The following GALNT10 variants were observed in gnomAD, a reference collection of about 807,000 sequenced individuals.
GALNT10 encodes GalNAc transferase 10.
A neutral mutation model predicts 75.0 loss-of-function variants in GALNT10; 41 were observed. The observed-to-expected ratio is 0.55, with a 90% confidence interval of 0.43 to 0.71. The LOEUF is 0.71. Among genes scored for constraint, GALNT10 ranks in the 30% least tolerant of loss-of-function variants. The pLI is 0.00. For synonymous variants in GALNT10, 302 were observed against 313.0 expected (o/e 0.96, Z 0.37); for missense variants, 727 against 818.5 (o/e 0.89, Z 1.36).
At chr5:154,328,176 A>G (rs1352735636) in intron 3 of GALNT10, among the ~76,000 whole-genome samples, 1 of 152,220 alleles carries the variant, frequency 6.6e-6, no homozygotes, top group Non-Finnish European at 1.5e-5. Context: ...TTGATCCTGT[A>G]TTAAACAAAC....
At chr5:154,213,958 C>A (rs1005679814) in intron 1 of GALNT10, among the ~76,000 whole-genome samples, 2 of 152,164 alleles carry the variant, frequency 1.3e-5, no homozygotes, top group African/African-American at 4.8e-5. Flanking sequence ...GACATAGCAA[C>A]TTCTCCCTTC....
At chr5:154,254,957 T>C (rs1329470772) in intron 1 of GALNT10, among the ~76,000 whole-genome samples, 3 of 152,110 alleles carry the variant, frequency 2.0e-5, no homozygotes, top group African/African-American at 7.2e-5. Context: ...AAGATTCCTG[T>C]AGGAGCTCCT....
intron 2 of GALNT10, among the ~76,000 whole-genome samples, chr5:154,295,637 A>G (rs1031061636): frequency 2.6e-5 from 4 of 152,164 alleles, no homozygotes; most frequent in Admixed American, 2.6e-4. Flanking sequence ...CAGAAATTAT[A>G]TGGAGAATCA....
Position 154,337,493 on chromosome 5 carries a change from A to G in GALNT10, c.568+7755A>G, listed in dbSNP as rs1754962684. On this transcript the variant is annotated intron_variant, in intron 4 of 11. Coordinates refer to ENST00000297107, the MANE Select transcript of GALNT10 (RefSeq NM_198321.4). ...AAAATCTCCTGCCACTGCCATGGCT[A>G]CTGCTGGTACTAGAACTGCCATAGG... 8 of 727,638 alleles carry G rather than the reference A, an allele frequency of 1.1e-5. No homozygotes were observed. In the Admixed American group the frequency reaches 1.2e-4, roughly 11 times the overall value. 45.1% of individuals were successfully genotyped at this position (727,638 alleles called of 1,614,324 possible). A position where few individuals can be genotyped will look rare whatever the true frequency, so the allele number is the denominator to read the frequency against.
chr5:154,327,824 G>T (rs1448792333), intron 3 of GALNT10, among the ~76,000 whole-genome samples: 2 of 152,108 alleles, frequency 1.3e-5, no homozygotes, highest in Non-Finnish European at 2.9e-5. Flanking sequence ...TTTAGGCATC[G>T]ATTATCACAA....
chr5:154,415,675 T>G, intron 10 of GALNT10, 108 bp from the exon 11 acceptor site: 2 of 1,048,418 alleles, frequency 1.9e-6, no homozygotes, highest in Non-Finnish European at 2.8e-6. Context: ...GGTTAATATA[T>G]TATTATTTGG....
At chr5:154,354,207 A>G (rs1755254754) in intron 4 of GALNT10, among the ~76,000 whole-genome samples, 1 of 152,204 alleles carries the variant, frequency 6.6e-6, no homozygotes, top group Non-Finnish European at 1.5e-5. Flanking sequence ...ATGTATGGTT[A>G]TTCTTTGTCA....
chr5:154,256,125 T>A (rs1753605547), intron 1 of GALNT10, among the ~76,000 whole-genome samples: 1 of 152,114 alleles, frequency 6.6e-6, no homozygotes, highest in Non-Finnish European at 1.5e-5. Flanking sequence ...GCTTTGGGTA[T>A]GCCACTTGAA....
chr5:154,273,082 G>A (rs1423547235), intron 1 of GALNT10, among the ~76,000 whole-genome samples: 1 of 152,194 alleles, frequency 6.6e-6, no homozygotes, highest in East Asian at 1.9e-4. Context: ...TAGGGAGAGA[G>A]TGGCCTCAGA....
chr5:154,282,782 A>G (rs1754057115), intron 1 of GALNT10, among the ~76,000 whole-genome samples: 1 of 152,174 alleles, frequency 6.6e-6, no homozygotes, highest in African/African-American at 2.4e-5. Context: ...TCCTTGAGTG[A>G]CCTTTCCTTC....
chr5:154,257,407 G>T (rs1236967851), intron 1 of GALNT10, among the ~76,000 whole-genome samples: 1 of 152,188 alleles, frequency 6.6e-6, no homozygotes, highest in Non-Finnish European at 1.5e-5. Context: ...CTTCATCTCT[G>T]CCTTCCTGTG....
chr5:154,299,672 A>G lies in GALNT10; in HGVS notation c.401+1593A>G, dbSNP rs76851742. Among the ~76,000 whole-genome samples the G allele has an allele frequency of 3.1e-3, 469 of 152,320 alleles. 2 individuals are homozygous for G. The highest frequency in any genetic ancestry group is 0.011 in the African/African-American group (455 of 41,566). ...ACAATACTTTGAGGTTGGCATTACCATGATCATCTCTACTTTGTAGATGTA... is the reference window on the plus strand; with the variant it reads ...ACAATACTTTGAGGTTGGCATTACCGTGATCATCTCTACTTTGTAGATGTA... On this transcript the variant is annotated intron_variant, in intron 3 of 11. Coordinates refer to ENST00000297107, the MANE Select transcript of GALNT10 (RefSeq NM_198321.4).
chr5:154,351,334 T>G (rs766319624), intron 4 of GALNT10, among the ~76,000 whole-genome samples: 4 of 152,212 alleles, frequency 2.6e-5, no homozygotes, highest in African/African-American at 9.6e-5. Context: ...CAAACCACTC[T>G]AGTGTGCAGC....
intron 6 of GALNT10, among the ~76,000 whole-genome samples, chr5:154,381,538 A>G (rs1265907764): frequency 6.6e-6 from 1 of 152,250 alleles, no homozygotes; most frequent in Non-Finnish European, 1.5e-5. Context: ...CTGCTGTGAT[A>G]AATTACTATA....
At chr5:154,258,024 C>G (rs991610226) in intron 1 of GALNT10, among the ~76,000 whole-genome samples, 4 of 152,048 alleles carry the variant, frequency 2.6e-5, no homozygotes, top group Non-Finnish European at 5.9e-5. Context: ...ATAAATACGG[C>G]ATTTCTTTTC....
At chr5:154,295,325 G>A (rs1041392440) in intron 2 of GALNT10, among the ~76,000 whole-genome samples, 2 of 152,190 alleles carry the variant, frequency 1.3e-5, no homozygotes, top group Non-Finnish European at 2.9e-5. Flanking sequence ...GAGGAAGATC[G>A]ATGCTCTGTA....
intron 4 of GALNT10, among the ~76,000 whole-genome samples, chr5:154,343,473 A>C (rs569680384): frequency 6.6e-6 from 1 of 152,182 alleles, no homozygotes; most frequent in South Asian, 2.1e-4. Context: ...AGGCACTATT[A>C]TTTTCAAGTT....
chr5:154,307,988 C>A (rs1436822654), intron 3 of GALNT10, among the ~76,000 whole-genome samples: 1 of 147,750 alleles, frequency 6.8e-6, no homozygotes. Context: ...AAAAAAGATA[C>A]CAGATAGAAA....
Position 154,417,002 on chromosome 5 carries a change from G to A in GALNT10, c.*30G>A, listed in dbSNP as rs768657337. 6.2e-7 allele frequency: 1 copy of A among 1,609,178 alleles called. No homozygotes were observed. The highest frequency in any genetic ancestry group is 2.2e-5 in the East Asian group (1 of 44,848). ...TCATGTCCCCTTGGCAGGCCCCCCA[G>A]GGTCTGGCACTCACTGCAGACTTCC... On this transcript the variant is annotated 3_prime_UTR_variant, in exon 12 of 12. Coordinates refer to ENST00000297107, the MANE Select transcript of GALNT10 (RefSeq NM_198321.4).
Sources: allele counts gnomAD v4.1 joint callset (sites outside exome capture counted in the v4.1 genomes callset), GRCh38; gene constraint gnomAD v4.1.1; transcripts MANE v1.5; gene names NCBI Gene and HGNC (gene_info 2026-07-23, HGNC 2026-07-21).